Variants in ZNF678 observed in about 807,000 individuals in gnomAD.
The protein encoded by ZNF678 is zinc finger protein 678.
Under a neutral mutation model 3.0 loss-of-function variants are expected in ZNF678, and 5 were observed. That is an observed-to-expected ratio of 1.69 (90% CI 0.88 to 3.56). The LOEUF is 3.56. ZNF678 is among the 30% of genes most tolerant of loss of function. The pLI is 0.00. For missense variants in ZNF678, 593 were observed against 605.0 expected (o/e 0.98, Z 0.21); for synonymous variants, 218 against 199.6 (o/e 1.09, Z -0.78).
chr1:227,622,358 C>T (rs944945327), intron 1 of ZNF678, among the ~76,000 whole-genome samples: 2 of 152,168 alleles, frequency 1.3e-5, no homozygotes, highest in African/African-American at 4.8e-5. Context: ...GTAGGCCAAA[C>T]CAATGCATAC....
rs570973594 is a variant in ZNF678, at chr1:227,605,125, G to A, written c.-164+41401G>A. Among the ~76,000 whole-genome samples the A allele has an allele frequency of 2.2e-3, 341 of 152,312 alleles. 2 individuals carry two copies. The highest frequency in any genetic ancestry group is 7.9e-3 in the African/African-American group (328 of 41,580). On this transcript the variant is annotated intron_variant, in intron 1 of 3. Coordinates refer to ENST00000343776, the MANE Select transcript of ZNF678 (RefSeq NM_001367909.1). ...CCGCCTCGGCCTCCCAAAGTGCTGGGATTACAGGCGTGAGCCACTGCGCCT... is the reference window on the plus strand; with the variant it reads ...CCGCCTCGGCCTCCCAAAGTGCTGGAATTACAGGCGTGAGCCACTGCGCCT...
intron 3 of ZNF678, 27 bp from the exon 4 acceptor site, chr1:227,654,309 A>T (rs755873043): frequency 3.4e-6 from 5 of 1,479,962 alleles, no homozygotes; most frequent in Non-Finnish European, 4.5e-6. Context: ...AGTAAGAAGA[A>T]TAACTTTTTA....
intron 1 of ZNF678, among the ~76,000 whole-genome samples, chr1:227,634,575 G>A (rs2102784319): frequency 6.6e-6 from 1 of 152,298 alleles, no homozygotes; most frequent in East Asian, 1.9e-4. Context: ...GTGGTATTAT[G>A]GAAGTACTCT....
intron 1 of ZNF678, among the ~76,000 whole-genome samples, chr1:227,591,081 G>A (rs12134544): frequency 6.6e-5 from 10 of 151,700 alleles, no homozygotes; most frequent in Non-Finnish European, 1.0e-4. Flanking sequence ...CTACATGCTC[G>A]GCTAATTGCA....
chr1:227,568,534 C>T (rs1475331086), intron 1 of ZNF678, among the ~76,000 whole-genome samples: 1 of 152,196 alleles, frequency 6.6e-6, no homozygotes, highest in Non-Finnish European at 1.5e-5. Flanking sequence ...GCCTACGCAC[C>T]CAATCTTCTC....
In ZNF678 at chr1:227,658,018, C is replaced by G. The variant is rs1659294994; in HGVS notation, c.*2190C>G. On this transcript the variant is annotated 3_prime_UTR_variant, in exon 4 of 4. Coordinates refer to ENST00000343776, the MANE Select transcript of ZNF678 (RefSeq NM_001367909.1). ...ATTTTCTCTATATTCCTGAGAAATT[C>G]TAAGAATAACTTTCATAAAATGTAT... 6.6e-6 allele frequency: 1 copy of G among 151,718 alleles called. No homozygotes were observed. The highest frequency in any genetic ancestry group is 1.5e-5 in the Non-Finnish European group (1 of 67,862). 9.4% of individuals were successfully genotyped at this position (151,718 alleles called of 1,614,324 possible). A position where few individuals can be genotyped will look rare whatever the true frequency, so the allele number is the denominator to read the frequency against.
chr1:227,673,807 A>C (rs1039266614), intron 5 of ZNF678, among the ~76,000 whole-genome samples: 1 of 152,120 alleles, frequency 6.6e-6, no homozygotes. Flanking sequence ...CAAATATTCC[A>C]GTTTTTCAAA....
intron 1 of ZNF678, among the ~76,000 whole-genome samples, chr1:227,574,002 C>T (rs868158903): frequency 6.6e-6 from 1 of 152,166 alleles, no homozygotes; most frequent in Admixed American, 6.5e-5. Flanking sequence ...AGGGCATGAT[C>T]TCATTCTTTT....
intron 2 of ZNF678, among the ~76,000 whole-genome samples, chr1:227,649,297 A>G (rs1010926877): frequency 6.6e-6 from 1 of 152,202 alleles, no homozygotes; most frequent in Non-Finnish European, 1.5e-5. Flanking sequence ...TAACGACTTC[A>G]CCAATTTACA....
Position 227,646,639 on chromosome 1 carries a change from G to C in ZNF678, c.-68G>C. 2.2e-6 allele frequency: 3 copies of C among 1,372,396 alleles called. No homozygotes were observed. Among genetic ancestry groups the C allele is most frequent in the Non-Finnish European group, 2.9e-6 (3 of 1,024,760 alleles). The allele number at this position is 1,372,396 out of a possible 1,614,324, so 85.0% of individuals were successfully genotyped here. A position where few individuals can be genotyped will look rare whatever the true frequency, so the allele number is the denominator to read the frequency against. On this transcript the variant is annotated 5_prime_UTR_variant, in exon 2 of 4. An upstream start codon of the reference 5' UTR is lost. Transcript: ENST00000343776. ...AGCGAAATTTGTATAGGGATGTGAT[G>C]TTCGAGAACTACAGAAACCTGGTCT...
At chr1:227,667,228 G>A (rs553145680), downstream of ZNF678, among the ~76,000 whole-genome samples, 1 of 151,920 alleles carries the variant, frequency 6.6e-6, no homozygotes, top group Non-Finnish European at 1.5e-5. Context: ...TAGAGACAGG[G>A]TTTTGCCATG....
At chr1:227,589,779 C>T (rs1351465139) in intron 1 of ZNF678, among the ~76,000 whole-genome samples, 1 of 151,834 alleles carries the variant, frequency 6.6e-6, no homozygotes, top group African/African-American at 2.4e-5. Context: ...AGGGGTCGAT[C>T]TTTAACTATC....
chr1:227,587,264 TTA>T (rs1657285200), intron 1 of ZNF678, among the ~76,000 whole-genome samples: 1 of 151,544 alleles, frequency 6.6e-6, no homozygotes, highest in African/African-American at 2.4e-5. Context: ...TTTTTTTTTT[TTA>T]ATTCTTTTTC....
At chr1:227,671,886 T>A (rs1173806354) in intron 5 of ZNF678, among the ~76,000 whole-genome samples, 2 of 152,320 alleles carry the variant, frequency 1.3e-5, no homozygotes, top group East Asian at 1.9e-4. Context: ...ATCCTTTTTT[T>A]AAAATGTAAA....
rs146426504 is a variant in ZNF678, at chr1:227,672,691, GGGTC to G, written c.227-4479_227-4476del. ...CAGCTCCCCCTGACCTTCATGCTGTGGGTCGGTCGGTCTAGGGATGATTATGAGA... is the reference window on the plus strand; with the variant it reads ...CAGCTCCCCCTGACCTTCATGCTGTGGGTCGGTCTAGGGATGATTATGAGA... On this transcript the variant is annotated intron_variant, in intron 5 of 5. Coordinates refer to the ZNF678 transcript ENST00000608949. Among the ~76,000 whole-genome samples the G allele has an allele frequency of 4.9e-3, 752 of 152,174 alleles. 18 individuals carry two copies. The South Asian group carries it at 0.056, about 11-fold the overall frequency.
At chr1:227,606,375 CTT>C (rs902871125) in intron 1 of ZNF678, among the ~76,000 whole-genome samples, 3 of 152,212 alleles carry the variant, frequency 2.0e-5, no homozygotes, top group African/African-American at 7.2e-5. Flanking sequence ...TTGTGTTTCT[CTT>C]TACCCAAACA....
intron 1 of ZNF678, among the ~76,000 whole-genome samples, chr1:227,594,308 C>G (rs1251206235): frequency 6.6e-6 from 1 of 152,070 alleles, no homozygotes; most frequent in Non-Finnish European, 1.5e-5. Context: ...AATGTTAAAC[C>G]TAATTTTAAT....
intron 1 of ZNF678, among the ~76,000 whole-genome samples, chr1:227,589,606 AG>A (rs1657355598): frequency 6.6e-6 from 1 of 151,626 alleles, no homozygotes; most frequent in African/African-American, 2.4e-5. Context: ...CACAACTCTA[AG>A]GGGGTCCACG....
chr1:227,643,867 T>TCTTTTC (rs535323975), intron 1 of ZNF678, among the ~76,000 whole-genome samples: 10 of 142,534 alleles, frequency 7.0e-5, no homozygotes, highest in Non-Finnish European at 9.2e-5. Flanking sequence ...TCTTTTCTTT[T>TCTTTTC]TTTTTTTTTT....
Sources: allele counts gnomAD v4.1 joint callset (sites outside exome capture counted in the v4.1 genomes callset), GRCh38; gene constraint gnomAD v4.1.1; transcripts MANE v1.5; gene names NCBI Gene and HGNC (gene_info 2026-07-23, HGNC 2026-07-21).